Variants in MRPL42 observed in about 807,000 individuals in gnomAD.
MRPL42 encodes the protein mitochondrial ribosomal protein L42.
MRPL42 carries 17 observed loss-of-function variants against 17.9 expected under a neutral mutation model. The ratio of observed to expected loss-of-function variants is 0.95; its 90% CI spans 0.65 to 1.42. The LOEUF (loss-of-function observed/expected upper bound fraction) is 1.42, where lower values mean the gene tolerates loss of function less well. Ranked by LOEUF, MRPL42 falls within the 40% of genes most tolerant of loss-of-function variation. The pLI is 0.00. For synonymous variants in MRPL42, 59 were observed against 54.4 expected (o/e 1.08, Z -0.37); for missense variants, 177 against 175.2 (o/e 1.01, Z -0.06).
At chr12:93,483,598 A>G (rs1880568885) in intron 4 of MRPL42, among the ~76,000 whole-genome samples, 1 of 152,222 alleles carries the variant, frequency 6.6e-6, no homozygotes, top group Admixed American at 6.5e-5. Flanking sequence ...TACTTAACCA[A>G]AAATGGAGCT....
intron 2 of MRPL42, among the ~76,000 whole-genome samples, chr12:93,476,356 C>T (rs564182842): frequency 1.3e-5 from 2 of 152,128 alleles, no homozygotes; most frequent in African/African-American, 4.8e-5. Flanking sequence ...TTAGTAGAGA[C>T]AAAGTTTCAC....
chr12:93,482,505 A>G lies in MRPL42; in HGVS notation c.219+3033A>G, dbSNP rs1044251935. Among the ~76,000 whole-genome samples, 3 of 152,100 alleles carry G rather than the reference A, an allele frequency of 2.0e-5. No individual in the cohort carries two copies. The East Asian group carries it at 5.8e-4, about 29-fold the overall frequency. ...ACAATAAATATTTTTCTATTAAGTG[A>G]ATGAAGTTGTTCCTTCCTCTTCATG... On this transcript the variant is annotated intron_variant, in intron 4 of 5. Coordinates refer to ENST00000549982, the MANE Select transcript of MRPL42 (RefSeq NM_014050.4).
chr12:93,483,876 C>T (rs1046335557), intron 4 of MRPL42, among the ~76,000 whole-genome samples: 1 of 152,036 alleles, frequency 6.6e-6, no homozygotes, highest in African/African-American at 2.4e-5. Context: ...AAAATATTTT[C>T]TTTATATCCT....
chr12:93,513,656 T>C lies in MRPL42; in HGVS notation c.*12435T>C, dbSNP rs978437022. 16 of 152,308 alleles carry C rather than the reference T, an allele frequency of 1.1e-4. No individual in the cohort carries two copies. The highest frequency in any genetic ancestry group is 9.8e-4 in the Admixed American group (15 of 15,300). 9.4% of individuals were successfully genotyped at this position (152,308 alleles called of 1,614,324 possible). ...AAATTCACATTTTCAGTGAAAGTTT[T>C]TAAATAATTTTTTCTCTTTCCGTTT... On this transcript the variant is annotated 3_prime_UTR_variant, in exon 6 of 6. Transcript: ENST00000549982.
intron 4 of MRPL42, among the ~76,000 whole-genome samples, chr12:93,484,191 A>G (rs940692660): frequency 2.0e-5 from 3 of 152,292 alleles, no homozygotes; most frequent in African/African-American, 7.2e-5. Context: ...TAAAAAGTAT[A>G]TAGTATAGTA....
intron 4 of MRPL42, among the ~76,000 whole-genome samples, chr12:93,481,018 A>G (rs533930945): frequency 3.8e-4 from 58 of 152,188 alleles, no homozygotes; most frequent in African/African-American, 1.3e-3. Flanking sequence ...AGGTCACACT[A>G]TGTTGTGCCT....
At chr12:93,470,067 C>T (rs1435234873) in intron 2 of MRPL42, among the ~76,000 whole-genome samples, 4 of 150,762 alleles carry the variant, frequency 2.7e-5, no homozygotes, top group Admixed American at 6.6e-5. Context: ...TTAAAATGTG[C>T]GAATAAAGGG....
chr12:93,501,335 C>A lies in MRPL42; in HGVS notation c.*114C>A. 2 of 602,814 alleles carry A rather than the reference C, an allele frequency of 3.3e-6. No individual in the cohort carries two copies. Among genetic ancestry groups the A allele is most frequent in the South Asian group, 8.0e-5 (2 of 25,032 alleles). 37.3% of individuals were successfully genotyped at this position (602,814 alleles called of 1,614,324 possible). ...AAGTAATAATGATAAAATATCTTTT[C>A]ATATATTAGAATGTGTACTTTTATA... On this transcript the variant is annotated 3_prime_UTR_variant, in exon 6 of 6. Transcript: ENST00000549982.
Position 93,503,627 on chromosome 12 carries a change from C to T in MRPL42, c.*2406C>T, listed in dbSNP as rs1953629890. 1 of 151,988 alleles carries T rather than the reference C, an allele frequency of 6.6e-6. No individual in the cohort carries two copies. Among genetic ancestry groups the T allele is most frequent in the Admixed American group, 6.6e-5 (1 of 15,246 alleles). 9.4% of individuals were successfully genotyped at this position (151,988 alleles called of 1,614,324 possible). On this transcript the variant is annotated 3_prime_UTR_variant, in exon 6 of 6. Transcript: ENST00000549982. The stretch of plus-strand genomic sequence containing the variant: ...TTGAACTCCTGGGCTCAAAGCGATC[C>T]ACCCACCTTGGCCTCCAAAAGTATG...
At chr12:93,486,099 G>A (rs1336134297) in intron 4 of MRPL42, among the ~76,000 whole-genome samples, 1 of 152,092 alleles carries the variant, frequency 6.6e-6, no homozygotes, top group East Asian at 1.9e-4. Flanking sequence ...GAAAGTGCTG[G>A]GATTACAGAT....
Position 93,483,031 on chromosome 12 carries a change from A to T in MRPL42, c.219+3559A>T, listed in dbSNP as rs532395175. Among the ~76,000 whole-genome samples, 8 of 152,188 alleles carry T rather than the reference A, an allele frequency of 5.3e-5. No homozygotes were observed. In the South Asian group the frequency reaches 1.5e-3, roughly 28 times the overall value. On this transcript the variant is annotated intron_variant, in intron 4 of 5. Transcript: ENST00000549982. ...TGCCTCAGCCACCCAAATAGCTGGG[A>T]TTACAGGCACTCGTGACCACGCCTG...
chr12:93,499,655 A>G (rs1187926494), intron 5 of MRPL42, among the ~76,000 whole-genome samples: 2 of 152,170 alleles, frequency 1.3e-5, no homozygotes, highest in African/African-American at 4.8e-5. Flanking sequence ...ACATGTAGAA[A>G]TGTTTATGCA....
intron 2 of MRPL42, among the ~76,000 whole-genome samples, chr12:93,472,344 C>T (rs1282124465): frequency 6.6e-6 from 1 of 152,092 alleles, no homozygotes; most frequent in Non-Finnish European, 1.5e-5. Context: ...AATACCAGCA[C>T]TTTGGCAGGC....
chr12:93,495,845 T>C (rs931124247), intron 5 of MRPL42, among the ~76,000 whole-genome samples: 10 of 152,040 alleles, frequency 6.6e-5, no homozygotes, highest in African/African-American at 2.4e-4. Flanking sequence ...ACTCTGGAAA[T>C]AAAACTTCCA....
In MRPL42 at chr12:93,513,770, TCTA is replaced by T. The variant is rs1317458062; in HGVS notation, c.*12553_*12555del. ...GGGGCTTTTAAAAAATGTTTTTCAT[TCTA>T]CTAATTTCATTTTATAATTTATAAA... On this transcript the variant is annotated 3_prime_UTR_variant, in exon 6 of 6. Transcript: ENST00000549982. 1.3e-5 allele frequency: 2 copies of T among 152,212 alleles called. No homozygotes were observed. The highest frequency in any genetic ancestry group is 4.8e-5 in the African/African-American group (2 of 41,454). 9.4% of individuals were successfully genotyped at this position (152,212 alleles called of 1,614,324 possible).
chr12:93,479,104 G>T (rs1247682202), intron 3 of MRPL42, among the ~76,000 whole-genome samples: 8 of 151,370 alleles, frequency 5.3e-5, no homozygotes, highest in African/African-American at 1.9e-4. Context: ...GCTAATATTT[G>T]TATTTTTAGT....
intron 1 of MRPL42, among the ~76,000 whole-genome samples, chr12:93,468,353 T>C (rs1879742974): frequency 6.6e-6 from 1 of 152,212 alleles, no homozygotes. Flanking sequence ...AAAAACAAGA[T>C]TTAACAATGG....
At chr12:93,485,283 C>T (rs919394012) in intron 4 of MRPL42, among the ~76,000 whole-genome samples, 1 of 150,950 alleles carries the variant, frequency 6.6e-6, no homozygotes, top group African/African-American at 2.4e-5. Context: ...CCATTTCAGC[C>T]TCCTGAGTAG....
chr12:93,487,802 T>TC, intron 5 of MRPL42, 142 bp downstream of exon 5: 1 of 741,606 alleles, frequency 1.3e-6, no homozygotes, highest in Non-Finnish European at 2.1e-6. Context: ...GTTGTACTTT[T>TC]TTTTTCTTTT....
Sources: allele counts gnomAD v4.1 joint callset (sites outside exome capture counted in the v4.1 genomes callset), GRCh38; gene constraint gnomAD v4.1.1; transcripts MANE v1.5; gene names NCBI Gene and HGNC (gene_info 2026-07-23, HGNC 2026-07-21).